The following MALL variants were observed in gnomAD, a reference collection of about 807,000 sequenced individuals.
MALL encodes the protein mal, T cell differentiation protein like, also known as MAL-like protein.
In MALL, 2 loss-of-function variants were observed where a neutral mutation model predicts 10.3. The ratio of observed to expected loss-of-function variants is 0.19; its 90% CI spans 0.08 to 0.61. The LOEUF (loss-of-function observed/expected upper bound fraction) is 0.61. Ranked by LOEUF, MALL falls within the 20% of genes least tolerant of loss-of-function variation. The pLI, the probability that MALL is intolerant of heterozygous loss-of-function variation, is 0.88. For missense variants in MALL, 39 were observed against 115.2 expected (o/e 0.34, Z 3.03); for synonymous variants, 27 against 51.8 (o/e 0.52, Z 2.05).
rs565950112 is a variant in MALL at position 110,095,588 on chromosome 2, T to TA, written c.106-3819dup. 1.9e-3 allele frequency among the ~76,000 whole-genome samples: 293 copies of TA among 150,574 alleles called. 3 individuals are homozygous for TA. The highest frequency in any genetic ancestry group is 0.015 in the East Asian group (78 of 5,168). On this transcript the variant is annotated intron_variant, in intron 1 of 3. Coordinates refer to ENST00000272462, the MANE Select transcript of MALL (RefSeq NM_005434.5). ...AATATAATAAAATAAAATTTCCAACTAAAAAAAAATATTGTCAAATTACCA... is the reference window on the plus strand; with the variant it reads ...AATATAATAAAATAAAATTTCCAACTAAAAAAAAAATATTGTCAAATTACCA...
intron 1 of MALL, among the ~76,000 whole-genome samples, chr2:110,101,161 T>A (rs1388413835): frequency 6.6e-6 from 1 of 152,086 alleles, no homozygotes; most frequent in African/African-American, 2.4e-5. Context: ...TGAGCAGCCA[T>A]CCTTATCTCC....
intron 1 of MALL, among the ~76,000 whole-genome samples, chr2:110,096,729 A>C (rs1574030650): frequency 6.6e-6 from 1 of 151,800 alleles, no homozygotes; most frequent in Non-Finnish European, 1.5e-5. Context: ...ACACACACAC[A>C]CACACACACA....
chr2:110,105,350 C>G (rs1206337105), intron 1 of MALL, among the ~76,000 whole-genome samples: 5 of 152,222 alleles, frequency 3.3e-5, no homozygotes, highest in African/African-American at 1.2e-4. Flanking sequence ...AGGTCTTGCT[C>G]TTCCCCAGCC....
At chr2:110,102,932 C>T (rs541024396) in intron 1 of MALL, among the ~76,000 whole-genome samples, 1 of 152,298 alleles carries the variant, frequency 6.6e-6, no homozygotes, top group East Asian at 1.9e-4. Context: ...CATCCCCCTC[C>T]ATACCTCCCC....
At chr2:110,114,185 C>T (rs907254345) in intron 1 of MALL, among the ~76,000 whole-genome samples, 3 of 152,074 alleles carry the variant, frequency 2.0e-5, no homozygotes, top group Non-Finnish European at 4.4e-5. Context: ...CCTCTCTTTC[C>T]CCCCAGCCTG....
chr2:110,113,212 C>T (rs1158498253), intron 1 of MALL, among the ~76,000 whole-genome samples: 1 of 150,998 alleles, frequency 6.6e-6, no homozygotes, highest in East Asian at 1.9e-4. Flanking sequence ...CCGAGGCAGG[C>T]GGATCACGAG....
intron 1 of MALL, among the ~76,000 whole-genome samples, chr2:110,102,749 G>T (rs1678601482): frequency 6.6e-6 from 1 of 152,144 alleles, no homozygotes; most frequent in South Asian, 2.1e-4. Context: ...TCTCACAGTA[G>T]GGTAGGGAGC....
chr2:110,103,860 C>A (rs776819950), intron 1 of MALL, among the ~76,000 whole-genome samples: 1 of 152,110 alleles, frequency 6.6e-6, no homozygotes, highest in South Asian at 2.1e-4. Context: ...AGACAGGGGC[C>A]GGAGTGGCCA....
chr2:110,106,062 C>G (rs1390196126), intron 1 of MALL, among the ~76,000 whole-genome samples: 1 of 152,166 alleles, frequency 6.6e-6, no homozygotes, highest in Non-Finnish European at 1.5e-5. Context: ...AGGAAAACAT[C>G]TAACATCAAA....
At chr2:110,118,121 A>C (rs1373921551), upstream of MALL, among the ~76,000 whole-genome samples, 1 of 150,348 alleles carries the variant, frequency 6.7e-6, no homozygotes, top group Non-Finnish European at 1.5e-5. Context: ...CATTCTGTCC[A>C]GGGCTGTTAA....
chr2:110,112,225 A>G (rs1678818598), intron 1 of MALL, among the ~76,000 whole-genome samples: 1 of 152,196 alleles, frequency 6.6e-6, no homozygotes, highest in Admixed American at 6.5e-5. Context: ...AAGCAAAGAT[A>G]AATAGCTGGG....
At chr2:110,110,621 C>T (rs913616917) in intron 1 of MALL, among the ~76,000 whole-genome samples, 2 of 152,018 alleles carry the variant, frequency 1.3e-5, no homozygotes, top group African/African-American at 4.8e-5. Context: ...GGATTCGCAC[C>T]AGAATTCTAC....
At chr2:110,104,037 T>C (rs1330353381) in intron 1 of MALL, among the ~76,000 whole-genome samples, 1 of 151,498 alleles carries the variant, frequency 6.6e-6, no homozygotes, top group East Asian at 1.9e-4. Flanking sequence ...GGCCTTGCCA[T>C]TGTCTCTCCA....
intron 1 of MALL, among the ~76,000 whole-genome samples, chr2:110,110,851 A>G (rs1325911933): frequency 1.3e-5 from 2 of 152,300 alleles, no homozygotes; most frequent in Admixed American, 6.5e-5. Flanking sequence ...CCAACAATGT[A>G]TCAAAAAGAT....
upstream of MALL, among the ~76,000 whole-genome samples, chr2:110,117,080 C>T (rs965643667): frequency 2.6e-5 from 4 of 152,134 alleles, no homozygotes; most frequent in Non-Finnish European, 5.9e-5. Flanking sequence ...AGGCAATGAA[C>T]CCCCCAGTGG....
chr2:110,117,836 C>A (rs1375228034), upstream of MALL, among the ~76,000 whole-genome samples: 1 of 151,826 alleles, frequency 6.6e-6, no homozygotes, highest in Non-Finnish European at 1.5e-5. Flanking sequence ...AACAAACAAA[C>A]AAAAAACAGA....
At chr2:110,107,969 C>T (rs1678728790) in intron 1 of MALL, among the ~76,000 whole-genome samples, 1 of 152,116 alleles carries the variant, frequency 6.6e-6, no homozygotes, top group African/African-American at 2.4e-5. Flanking sequence ...CACAGGAAGC[C>T]ACATCCATAG....
chr2:110,100,080 G>T (rs1277768878), intron 1 of MALL, among the ~76,000 whole-genome samples: 1 of 151,878 alleles, frequency 6.6e-6, no homozygotes, highest in Non-Finnish European at 1.5e-5. Flanking sequence ...TTTATGCTGG[G>T]CTCCCCAAGC....
In MALL at chr2:110,115,787, G is replaced by T; in HGVS notation, c.6C>A (p.Ala2=). M[A]SPDPPATSYA... Reference sequence around the variant, plus strand: ...AGCTGGTGGCGGGCGGGTCGGGCGAGGCCATGCTGTCAGCCCCTGCCGGGT... The same window carrying T: ...AGCTGGTGGCGGGCGGGTCGGGCGATGCCATGCTGTCAGCCCCTGCCGGGT... The change falls in exon 1 of 4, where the codon GCC becomes GCA. Residue 2 remains alanine, a synonymous_variant. Transcript: ENST00000272462. 7.9e-7 allele frequency: 1 copy of T among 1,265,874 alleles called. No individual in the cohort carries two copies. The highest frequency in any genetic ancestry group is 1.0e-6 in the Non-Finnish European group (1 of 998,634). 78.4% of individuals were successfully genotyped at this position (1,265,874 alleles called of 1,614,324 possible). A position where few individuals can be genotyped will look rare whatever the true frequency, so the allele number is the denominator to read the frequency against.
Sources: allele counts gnomAD v4.1 joint callset (sites outside exome capture counted in the v4.1 genomes callset), GRCh38; gene constraint gnomAD v4.1.1; transcripts MANE v1.5; gene names NCBI Gene and HGNC (gene_info 2026-07-23, HGNC 2026-07-21).